The following TENM3 variants were observed in gnomAD, a reference collection of about 807,000 sequenced individuals.
TENM3 encodes the protein teneurin-3.
A neutral mutation model predicts 255.1 loss-of-function variants in TENM3; 63 were observed. The observed-to-expected ratio is 0.25, with a 90% CI of 0.20 to 0.30. TENM3 has a LOEUF of 0.30. Among genes scored for constraint, TENM3 ranks in the 10% least tolerant of loss-of-function variants. The pLI is 1.00. For missense variants in TENM3, 2,929 were observed against 3,461.1 expected (o/e 0.85, Z 3.86); for synonymous variants, 1,306 against 1,322.3 (o/e 0.99, Z 0.27).
At chr4:182,578,978 T>C (rs1294946841) in intron 3 of TENM3, among the ~76,000 whole-genome samples, 1 of 152,254 alleles carries the variant, frequency 6.6e-6, no homozygotes, top group Non-Finnish European at 1.5e-5. Context: ...CTTGTTCACC[T>C]TCTTCATGTA....
chr4:182,215,594 A>G (rs1755405531), intron 1 of TENM3, among the ~76,000 whole-genome samples: 1 of 152,158 alleles, frequency 6.6e-6, no homozygotes, highest in Admixed American at 6.5e-5. Flanking sequence ...GCAAATTGGA[A>G]TCAATTATCT....
the TENM3 span, among the ~76,000 whole-genome samples, chr4:181,859,721 T>C: frequency 6.6e-6 from 1 of 152,200 alleles, no homozygotes; most frequent in Admixed American, 6.5e-5. Flanking sequence ...ACTATAATGC[T>C]TTTTAAAAGC....
upstream of TENM3, among the ~76,000 whole-genome samples, chr4:182,140,990 TC>T (rs994991428): frequency 3.6e-4 from 20 of 56,328 alleles, no homozygotes; most frequent in African/African-American, 8.0e-4. Flanking sequence ...ATTATATCCC[TC>T]CCCCCCGCCC....
chr4:181,534,425 C>A, the TENM3 span, among the ~76,000 whole-genome samples: 15 of 151,966 alleles, frequency 9.9e-5, no homozygotes, highest in Admixed American at 2.0e-4. Context: ...CTTTGGTGGT[C>A]ATGTTGTCTT....
At chr4:182,134,823 T>C in the TENM3 span, among the ~76,000 whole-genome samples, 2 of 152,180 alleles carry the variant, frequency 1.3e-5, no homozygotes, top group African/African-American at 4.8e-5. Flanking sequence ...ACTCTTCTAC[T>C]GTTTCATGGC....
chr4:182,722,158 T>A (rs780605211), intron 13 of TENM3, among the ~76,000 whole-genome samples: 49 of 152,204 alleles, frequency 3.2e-4, no homozygotes, highest in Non-Finnish European at 6.5e-4. Flanking sequence ...GGATTTCATA[T>A]AATTTCTTCT....
At chr4:182,185,245 T>G (rs1753080334) in intron 1 of TENM3, among the ~76,000 whole-genome samples, 1 of 152,198 alleles carries the variant, frequency 6.6e-6, no homozygotes, top group East Asian at 1.9e-4. Context: ...ATTTTCTCAG[T>G]TCTATTAACT....
At chr4:182,125,170 C>T in the TENM3 span, among the ~76,000 whole-genome samples, 1 of 128,670 alleles carries the variant, frequency 7.8e-6, no homozygotes, top group African/African-American at 2.8e-5. Flanking sequence ...AGCGCATCCA[C>T]GCTGTGTGTG....
chr4:181,893,316 C>T, the TENM3 span, among the ~76,000 whole-genome samples: 247 of 152,156 alleles, frequency 1.6e-3, 1 homozygote, highest in African/African-American at 5.5e-3. Context: ...ACCCACACTC[C>T]GAACTTGTTT....
intron 3 of TENM3, among the ~76,000 whole-genome samples, chr4:182,391,603 T>C (rs1031815996): frequency 2.0e-5 from 3 of 152,232 alleles, no homozygotes; most frequent in African/African-American, 4.8e-5. Context: ...ACTGAGCAGA[T>C]TCAATAAATG....
chr4:182,110,732 ATG>A, the TENM3 span, among the ~76,000 whole-genome samples: 7 of 152,308 alleles, frequency 4.6e-5, no homozygotes, highest in Non-Finnish European at 7.4e-5. Flanking sequence ...CCCATATATG[ATG>A]TCAGTATGTT....
the TENM3 span, among the ~76,000 whole-genome samples, chr4:181,770,543 C>T: frequency 9.2e-5 from 14 of 152,002 alleles, no homozygotes; most frequent in South Asian, 1.5e-3. Flanking sequence ...GGCGTGGTGG[C>T]GGGTGCCTGT....
chr4:181,759,597 A>C, the TENM3 span, among the ~76,000 whole-genome samples: 1 of 152,182 alleles, frequency 6.6e-6, no homozygotes, highest in Admixed American at 6.5e-5. Flanking sequence ...TAGAATACAT[A>C]ATGCAAACTT....
chr4:182,621,758 TATA>T lies in TENM3; in HGVS notation c.750-6887_750-6885del, dbSNP rs1350829693. On this transcript the variant is annotated intron_variant, in intron 4 of 27. Coordinates refer to ENST00000511685, the MANE Select transcript of TENM3 (RefSeq NM_001080477.4). Reference sequence around the variant, plus strand: ...ATATAATATATAATATATTATAATATATAATAATTATATATTATATATAATTAT... The same window carrying T: ...ATATAATATATAATATATTATAATATATAATTATATATTATATATAATTAT... 1.2e-4 allele frequency among the ~76,000 whole-genome samples: 7 copies of T among 59,838 alleles called. 1 individual carries two copies. Among genetic ancestry groups the T allele is most frequent in the Admixed American group, 2.5e-4 (1 of 3,944 alleles). The allele number at this position is 59,838 out of a possible 152,430, so 39.3% of individuals were successfully genotyped here.
At chr4:182,716,708 A>G (rs1486597061) in intron 13 of TENM3, among the ~76,000 whole-genome samples, 2 of 152,250 alleles carry the variant, frequency 1.3e-5, no homozygotes, top group Non-Finnish European at 2.9e-5. Context: ...AAGGATGTCA[A>G]TTATATGAAG....
intron 3 of TENM3, among the ~76,000 whole-genome samples, chr4:182,549,249 A>G (rs554071982): frequency 6.6e-5 from 10 of 152,348 alleles, no homozygotes; most frequent in African/African-American, 2.4e-4. Context: ...ATAGACCAAA[A>G]AAGTTCACTT....
chr4:181,883,285 C>T, the TENM3 span, among the ~76,000 whole-genome samples: 3 of 152,044 alleles, frequency 2.0e-5, no homozygotes, highest in African/African-American at 7.2e-5. Flanking sequence ...TGGGTGCACA[C>T]GTGTGTGTGT....
the TENM3 span, among the ~76,000 whole-genome samples, chr4:181,847,750 A>G: frequency 6.6e-6 from 1 of 152,012 alleles, no homozygotes; most frequent in African/African-American, 2.4e-5. Flanking sequence ...ACACATATGT[A>G]TCTAATATTG....
intron 3 of TENM3, among the ~76,000 whole-genome samples, chr4:182,549,388 T>C (rs1052666491): frequency 3.9e-5 from 6 of 152,248 alleles, no homozygotes; most frequent in African/African-American, 2.4e-5. Context: ...GGATGAAGTC[T>C]ATAATAGCAT....
Sources: allele counts gnomAD v4.1 joint callset (sites outside exome capture counted in the v4.1 genomes callset), GRCh38; gene constraint gnomAD v4.1.1; transcripts MANE v1.5; gene names NCBI Gene and HGNC (gene_info 2026-07-23, HGNC 2026-07-21).